The following ABTB2 variants were observed in gnomAD, a reference collection of about 807,000 sequenced individuals.
ABTB2 encodes ankyrin repeat and BTB/POZ domain-containing protein 2.
A neutral mutation model predicts 104.1 loss-of-function variants in ABTB2; 56 were observed. The observed-to-expected ratio is 0.54, with a 90% CI of 0.43 to 0.67. ABTB2 has a LOEUF of 0.67. Ranked by LOEUF, ABTB2 falls within the 30% of genes least tolerant of loss-of-function variation. ABTB2 has a pLI of 0.00. For synonymous variants in ABTB2, 606 were observed against 608.2 expected, an observed-to-expected ratio of 1.00 and a Z score of 0.05; for missense variants, 1,279 against 1,407.7, an observed-to-expected ratio of 0.91 and a Z score of 1.46.
intron 3 of ABTB2, among the ~76,000 whole-genome samples, chr11:34,174,344 A>G (rs1852933694): frequency 1.3e-5 from 2 of 150,454 alleles, no homozygotes; most frequent in South Asian, 4.2e-4. Flanking sequence ...AAAAAAAAAA[A>G]AAAAAAGAAA....
At chr11:34,176,252 C>T (rs916953753) in intron 3 of ABTB2, among the ~76,000 whole-genome samples, 3 of 137,632 alleles carry the variant, frequency 2.2e-5, no homozygotes, top group African/African-American at 8.0e-5. Context: ...TGCACTCCAG[C>T]CAGGGTGACA....
intron 10 of ABTB2, among the ~76,000 whole-genome samples, chr11:34,161,483 AGTT>A (rs1053297202): frequency 3.3e-5 from 5 of 152,130 alleles, no homozygotes; most frequent in African/African-American, 1.2e-4. Context: ...AGGTCTCATT[AGTT>A]GTGGAGGGGT....
At chr11:34,270,248 T>C (rs1439702598) in intron 1 of ABTB2, among the ~76,000 whole-genome samples, 3 of 151,988 alleles carry the variant, frequency 2.0e-5, no homozygotes, top group Non-Finnish European at 4.4e-5. Flanking sequence ...CTCAGAAGGG[T>C]GGGTGGGCAG....
At chr11:34,168,042 A>T (rs756595733) in intron 5 of ABTB2, 50 bp from the exon 6 acceptor site, 11 of 1,566,848 alleles carry the variant, frequency 7.0e-6, no homozygotes, top group Middle Eastern at 1.7e-4. Flanking sequence ...AGAACACAAC[A>T]CCATGTGCCC....
At chr11:34,162,475 C>A in intron 10 of ABTB2, 101 bp downstream of exon 10, 1 of 1,294,542 alleles carries the variant, frequency 7.7e-7, no homozygotes, top group Non-Finnish European at 1.1e-6. Context: ...TCTGTCCCTG[C>A]AGGCCCTGGC....
At chr11:34,198,073 G>A (rs117926971) in intron 2 of ABTB2, among the ~76,000 whole-genome samples, 2,281 of 152,286 alleles carry the variant, frequency 0.015, 32 homozygotes, top group Middle Eastern at 0.037. Flanking sequence ...CCAGAAATAT[G>A]ATTTAATTTG....
intron 3 of ABTB2, among the ~76,000 whole-genome samples, chr11:34,176,279 CAAAAAA>C (rs58009507): frequency 8.4e-4 from 63 of 74,828 alleles, no homozygotes; most frequent in South Asian, 7.6e-3. Flanking sequence ...GACTCCGTCT[CAAAAAA>C]AAAAAAAAAA....
chr11:34,349,105 T>C (rs1335389576), intron 1 of ABTB2, among the ~76,000 whole-genome samples: 1 of 152,182 alleles, frequency 6.6e-6, no homozygotes, highest in Non-Finnish European at 1.5e-5. Flanking sequence ...CACTTAGGCC[T>C]TTTTTAAAAC....
chr11:34,169,570 C>T (rs562390252), intron 5 of ABTB2, among the ~76,000 whole-genome samples: 5 of 152,104 alleles, frequency 3.3e-5, no homozygotes, highest in South Asian at 2.1e-4. Context: ...CTAAAGTCCA[C>T]GGGCTTCCAC....
chr11:34,307,845 C>G (rs1240518952), intron 1 of ABTB2, among the ~76,000 whole-genome samples: 1 of 152,164 alleles, frequency 6.6e-6, no homozygotes, highest in Non-Finnish European at 1.5e-5. Context: ...ATCACAGGCA[C>G]GCGCCACCAT....
At chr11:34,267,648 A>G (rs187164522) in intron 1 of ABTB2, among the ~76,000 whole-genome samples, 2 of 152,366 alleles carry the variant, frequency 1.3e-5, no homozygotes, top group African/African-American at 4.8e-5. Context: ...AAAGTGCATC[A>G]TCTCCAGTTT....
chr11:34,279,039 T>TCC (rs1256803824), intron 1 of ABTB2, among the ~76,000 whole-genome samples: 6 of 152,340 alleles, frequency 3.9e-5, no homozygotes, highest in African/African-American at 1.4e-4. Context: ...GTATAATGTG[T>TCC]CTGCACAGGT....
At chr11:34,328,330 C>T (rs1041222066) in intron 1 of ABTB2, among the ~76,000 whole-genome samples, 1 of 152,144 alleles carries the variant, frequency 6.6e-6, no homozygotes, top group Non-Finnish European at 1.5e-5. Context: ...AGTCTCTATC[C>T]ACAGCATCGG....
intron 1 of ABTB2, among the ~76,000 whole-genome samples, chr11:34,288,153 A>T (rs1035494748): frequency 6.6e-6 from 1 of 152,212 alleles, no homozygotes; most frequent in Non-Finnish European, 1.5e-5. Flanking sequence ...TCAGACATAT[A>T]GGAAAGTTGA....
intron 1 of ABTB2, among the ~76,000 whole-genome samples, chr11:34,312,150 AAAAAAGAAAAAG>A (rs1213153878): frequency 6.9e-4 from 105 of 151,874 alleles, no homozygotes; most frequent in African/African-American, 1.2e-3. Flanking sequence ...CAAAAAAAAA[AAAAAAGAAAAAG>A]AAAAAGAAAA....
intron 1 of ABTB2, among the ~76,000 whole-genome samples, chr11:34,311,133 G>C (rs1465414933): frequency 6.6e-6 from 1 of 152,122 alleles, no homozygotes; most frequent in African/African-American, 2.4e-5. Context: ...GCTTTCACTG[G>C]CTCCAGGATG....
Position 34,271,805 on chromosome 11 carries a change from A to G in ABTB2, c.884-67115T>C, listed in dbSNP as rs147585093. Among the ~76,000 whole-genome samples, 526 of 152,296 alleles carry G rather than the reference A, an allele frequency of 3.5e-3. 3 individuals carry two copies. The highest frequency in any genetic ancestry group is 0.011 in the African/African-American group (477 of 41,554). ...TACAACTTGCCTTTGGAACCATGGA[A>G]GTCACTGTTCCCCAACTATATGCTC... On this transcript the variant is annotated intron_variant, in intron 1 of 16. Transcript: ENST00000435224.
At chr11:34,182,082 C>A (rs143038557) in intron 3 of ABTB2, among the ~76,000 whole-genome samples, 1 of 152,246 alleles carries the variant, frequency 6.6e-6, no homozygotes, top group East Asian at 1.9e-4. Flanking sequence ...AAGCAAGTGA[C>A]GGCTCCACGA....
chr11:34,244,867 G>A (rs1398641586), intron 1 of ABTB2, among the ~76,000 whole-genome samples: 2 of 152,092 alleles, frequency 1.3e-5, no homozygotes, highest in Non-Finnish European at 2.9e-5. Context: ...AATTAGCCAG[G>A]CTTGGTAGTG....
Sources: allele counts gnomAD v4.1 joint callset (sites outside exome capture counted in the v4.1 genomes callset), GRCh38; gene constraint gnomAD v4.1.1; transcripts MANE v1.5; gene names NCBI Gene and HGNC (gene_info 2026-07-23, HGNC 2026-07-21).